STIM2: variants seen among roughly 807,000 people sequenced by gnomAD.
STIM2 encodes stromal interaction molecule 2.
Under a neutral mutation model 85.8 loss-of-function variants are expected in STIM2, and 31 were observed. The ratio of observed to expected loss-of-function variants is 0.36; its 90% CI spans 0.27 to 0.49. STIM2 has a LOEUF of 0.49. STIM2 is among the 20% of genes least tolerant of loss of function. The pLI is 0.98. For missense variants in STIM2, 841 were observed against 927.6 expected, an observed-to-expected ratio of 0.91 and a Z score of 1.21; for synonymous variants, 356 against 331.1, an observed-to-expected ratio of 1.08 and a Z score of -0.82.
chr4:26,892,086 C>T (rs1397555956), intron 1 of STIM2, among the ~76,000 whole-genome samples: 1 of 152,206 alleles, frequency 6.6e-6, no homozygotes, highest in Non-Finnish European at 1.5e-5. Context: ...TGACTTGCTC[C>T]TCCTTACCTT....
chr4:26,919,506 C>A lies in STIM2; in HGVS notation c.154C>A (p.Pro52Thr). 3 of 1,613,176 alleles carry A rather than the reference C, an allele frequency of 1.9e-6. No individual in the cohort carries two copies. The highest frequency in any genetic ancestry group is 2.5e-6 in the Non-Finnish European group (3 of 1,179,574). ...AATTGCCCTTTGTTCTCTTTCAGAT[C>A]CCTGCATGTCACTGAGTCCACCATG... The change falls in exon 2 of 12, where the codon CCC becomes ACC. Residue 52 changes from proline to threonine, a missense_variant and splice_region_variant. This residue lies in a region of STIM2 where 140 missense variants were observed against 117.7 expected (regional missense o/e 1.19). Transcript: ENST00000467087.
intron 3 of STIM2, among the ~76,000 whole-genome samples, chr4:26,966,453 G>T (rs749044758): frequency 9.9e-5 from 15 of 152,122 alleles, no homozygotes; most frequent in Non-Finnish European, 1.9e-4. Flanking sequence ...TGTTGAGAAT[G>T]ACATTGTCTT....
intron 1 of STIM2, among the ~76,000 whole-genome samples, chr4:26,886,827 T>A (rs141624597): frequency 1.3e-4 from 20 of 152,324 alleles, no homozygotes; most frequent in African/African-American, 4.8e-4. Flanking sequence ...TTGGAAATGA[T>A]CACTTCAGCT....
At chr4:26,875,116 CTT>C (rs1371246673) in intron 1 of STIM2, among the ~76,000 whole-genome samples, 2 of 152,112 alleles carry the variant, frequency 1.3e-5, no homozygotes, top group Non-Finnish European at 1.5e-5. Context: ...TGATAAATCT[CTT>C]TGAGTTTTAT....
intron 1 of STIM2, among the ~76,000 whole-genome samples, chr4:26,884,840 C>T (rs1723155581): frequency 6.6e-6 from 1 of 152,028 alleles, no homozygotes; most frequent in African/African-American, 2.4e-5. Context: ...GGTAATGTAA[C>T]GGAGACCCAG....
chr4:26,890,684 C>T (rs1486212044), intron 1 of STIM2, among the ~76,000 whole-genome samples: 1 of 151,652 alleles, frequency 6.6e-6, no homozygotes, highest in Non-Finnish European at 1.5e-5. Context: ...ATTAGCCGGG[C>T]GTAGTGGCGG....
chr4:26,993,073 A>G (rs2109123589), intron 3 of STIM2, among the ~76,000 whole-genome samples: 1 of 152,254 alleles, frequency 6.6e-6, no homozygotes, highest in Admixed American at 6.5e-5. Context: ...GAACAGTCAT[A>G]GAGAGAATCT....
chr4:26,901,351 A>G (rs1320121943), intron 1 of STIM2, among the ~76,000 whole-genome samples: 1 of 152,130 alleles, frequency 6.6e-6, no homozygotes, highest in African/African-American at 2.4e-5. Flanking sequence ...TTAAATACTA[A>G]TTTCTATGAG....
chr4:26,918,040 G>C (rs900221641), intron 1 of STIM2, among the ~76,000 whole-genome samples: 1 of 151,900 alleles, frequency 6.6e-6, no homozygotes, highest in Non-Finnish European at 1.5e-5. Context: ...GTATGTACAC[G>C]TATTTATATA....
intron 3 of STIM2, among the ~76,000 whole-genome samples, chr4:26,978,059 G>A (rs958456743): frequency 2.0e-5 from 3 of 152,154 alleles, no homozygotes; most frequent in Non-Finnish European, 4.4e-5. Context: ...AACAGAGACA[G>A]ATTCACTGTA....
At chr4:26,889,332 G>T (rs947476732) in intron 1 of STIM2, among the ~76,000 whole-genome samples, 4 of 152,190 alleles carry the variant, frequency 2.6e-5, no homozygotes, top group African/African-American at 9.7e-5. Flanking sequence ...TCAGGATGAT[G>T]AGGAACATGG....
chr4:26,868,520 T>C (rs1577404246), intron 1 of STIM2, among the ~76,000 whole-genome samples: 1 of 152,222 alleles, frequency 6.6e-6, no homozygotes, highest in Non-Finnish European at 1.5e-5. Flanking sequence ...AGCCTTATCA[T>C]AAGCAGCCTC....
intron 3 of STIM2, among the ~76,000 whole-genome samples, chr4:26,974,726 C>T (rs529503788): frequency 6.6e-6 from 1 of 152,146 alleles, no homozygotes; most frequent in Non-Finnish European, 1.5e-5. Flanking sequence ...TGGTGTTGCT[C>T]TTCTCAAGGA....
At chr4:27,016,992 T>C (rs1017178724) in intron 10 of STIM2, among the ~76,000 whole-genome samples, 5 of 152,242 alleles carry the variant, frequency 3.3e-5, no homozygotes, top group Non-Finnish European at 5.9e-5. Flanking sequence ...ATCTGAACCA[T>C]GCAGGAGCGA....
intron 2 of STIM2, among the ~76,000 whole-genome samples, chr4:26,943,986 G>A (rs993421105): frequency 2.6e-5 from 4 of 151,934 alleles, no homozygotes; most frequent in Admixed American, 6.6e-5. Context: ...TATCCCTCTA[G>A]GCAAATATGA....
intron 1 of STIM2, among the ~76,000 whole-genome samples, chr4:26,866,735 C>G (rs919069123): frequency 6.6e-6 from 1 of 152,064 alleles, no homozygotes; most frequent in African/African-American, 2.4e-5. Flanking sequence ...TGTATACTGG[C>G]AAGAATGAGA....
intron 1 of STIM2, among the ~76,000 whole-genome samples, chr4:26,898,764 G>C (rs144574510): frequency 6.6e-6 from 1 of 151,986 alleles, no homozygotes; most frequent in African/African-American, 2.4e-5. Context: ...ATTTCTTTAT[G>C]TATCATTTTG....
At chr4:27,017,463 T>A (rs943213192) in intron 10 of STIM2, among the ~76,000 whole-genome samples, 1 of 152,194 alleles carries the variant, frequency 6.6e-6, no homozygotes, top group African/African-American at 2.4e-5. Context: ...ACATTTAGAT[T>A]TTCTGTTAAA....
At chr4:26,890,529 C>T (rs1723427661) in intron 1 of STIM2, among the ~76,000 whole-genome samples, 1 of 152,122 alleles carries the variant, frequency 6.6e-6, no homozygotes, top group South Asian at 2.1e-4. Flanking sequence ...AAGCCAAAAT[C>T]TGTTTCTCAA....
Sources: gnomAD v4.1 joint callset for allele counts (sites outside exome capture counted in the v4.1 genomes callset) on GRCh38, gnomAD v4.1.1 for gene constraint, gnomAD v4.1.1 regional missense constraint, MANE v1.5 for transcripts, NCBI Gene and HGNC (gene_info 2026-07-23, HGNC 2026-07-21) for gene names.